The following SDK1 variants were observed in gnomAD, a reference collection of about 807,000 sequenced individuals.
SDK1 encodes the protein protein sidekick-1.
In SDK1, 157 loss-of-function variants were observed where a neutral mutation model predicts 245.5. The ratio of observed to expected loss-of-function variants is 0.64; its 90% CI spans 0.56 to 0.73. The LOEUF (loss-of-function observed/expected upper bound fraction) is 0.73. Ranked by LOEUF, SDK1 falls within the 30% of genes least tolerant of loss-of-function variation. SDK1 has a pLI of 0.00. For synonymous variants in SDK1, 1,647 were observed against 1,278.5 expected (o/e 1.29, Z -6.15); for missense variants, 3,583 against 3,002.3 (o/e 1.19, Z -4.52).
chr7:3,980,710 G>A (rs1227043677), intron 13 of SDK1, among the ~76,000 whole-genome samples: 4 of 152,188 alleles, frequency 2.6e-5, no homozygotes, highest in Non-Finnish European at 5.9e-5. Context: ...TTGGGAGGCC[G>A]AGGCAGGTAG....
At chr7:4,179,776 C>A (rs1308242318) in intron 35 of SDK1, among the ~76,000 whole-genome samples, 1 of 151,874 alleles carries the variant, frequency 6.6e-6, no homozygotes, top group African/African-American at 2.4e-5. Flanking sequence ...AGGGTGGGTG[C>A]CACTGCGGAC....
chr7:3,727,206 C>T (rs1437662586), intron 4 of SDK1, among the ~76,000 whole-genome samples: 1 of 152,218 alleles, frequency 6.6e-6, no homozygotes. Flanking sequence ...TGATTATGTA[C>T]ATGGCAGATA....
rs1783245371 is a variant in SDK1 at position 4,192,119 on chromosome 7, A to C, written c.5098+13533A>C. ...GAAGGAGACAGACAAGTGCAGGCGC[A>C]TCACACTCCTCACAGTTGGCCTTAG... On this transcript the variant is annotated intron_variant, in intron 35 of 44. Coordinates refer to ENST00000404826, the MANE Select transcript of SDK1 (RefSeq NM_152744.4). 2.6e-5 allele frequency among the ~76,000 whole-genome samples: 4 copies of C among 152,224 alleles called. No individual in the cohort carries two copies. The South Asian group carries it at 8.3e-4, about 32-fold the overall frequency.
At chr7:3,847,354 C>T (rs193242772) in intron 5 of SDK1, among the ~76,000 whole-genome samples, 1 of 152,334 alleles carries the variant, frequency 6.6e-6, no homozygotes, top group African/African-American at 2.4e-5. Context: ...TTCTTTCCTT[C>T]TTCCATTAAA....
chr7:3,609,475 A>C (rs1040867423), intron 1 of SDK1, among the ~76,000 whole-genome samples: 1 of 152,120 alleles, frequency 6.6e-6, no homozygotes, highest in Non-Finnish European at 1.5e-5. Context: ...ATCTCTGCTC[A>C]CTGCAATCTC....
intron 5 of SDK1, among the ~76,000 whole-genome samples, chr7:3,872,401 C>G (rs1250565838): frequency 6.6e-6 from 1 of 152,026 alleles, no homozygotes; most frequent in East Asian, 1.9e-4. Context: ...GACACTGAGT[C>G]TGGAGTTTTA....
At chr7:3,323,541 C>G (rs1779869873) in intron 1 of SDK1, among the ~76,000 whole-genome samples, 1 of 152,178 alleles carries the variant, frequency 6.6e-6, no homozygotes, top group African/African-American at 2.4e-5. Context: ...CTCCTGTTTT[C>G]TTGCTGGCAG....
intron 1 of SDK1, among the ~76,000 whole-genome samples, chr7:3,393,443 A>G (rs934158153): frequency 3.3e-5 from 5 of 152,150 alleles, no homozygotes; most frequent in Non-Finnish European, 5.9e-5. Context: ...TCTTGCCAAC[A>G]TGTTATTTTT....
intron 16 of SDK1, among the ~76,000 whole-genome samples, chr7:4,015,745 C>G (rs1208155360): frequency 2.0e-5 from 3 of 152,206 alleles, no homozygotes; most frequent in African/African-American, 7.2e-5. Context: ...CCCTGAGTCT[C>G]CCACCAGGCA....
At chr7:3,338,552 G>A in intron 1 of SDK1, 1 of 359,068 alleles carries the variant, frequency 2.8e-6, no homozygotes, top group Non-Finnish European at 5.3e-6. Flanking sequence ...AGAAGCAGTG[G>A]AGAGGAACCT....
chr7:3,757,678 C>T (rs1380321150), intron 4 of SDK1, among the ~76,000 whole-genome samples: 1 of 152,200 alleles, frequency 6.6e-6, no homozygotes, highest in Non-Finnish European at 1.5e-5. Context: ...GCCCCGTCCT[C>T]CCAGTACCTC....
intron 26 of SDK1, among the ~76,000 whole-genome samples, chr7:4,128,551 G>C (rs1399002047): frequency 6.6e-6 from 1 of 151,262 alleles, no homozygotes; most frequent in Non-Finnish European, 1.5e-5. Context: ...GAGCAGAGCA[G>C]CTTGGGGTGG....
chr7:4,226,620 C>T (rs1332271239), intron 40 of SDK1, among the ~76,000 whole-genome samples: 3 of 152,194 alleles, frequency 2.0e-5, no homozygotes, highest in Non-Finnish European at 4.4e-5. Flanking sequence ...AGTGTGAGCC[C>T]AAGGACACCG....
intron 1 of SDK1, among the ~76,000 whole-genome samples, chr7:3,452,247 C>G (rs1780536773): frequency 6.6e-6 from 1 of 152,134 alleles, no homozygotes; most frequent in Non-Finnish European, 1.5e-5. Context: ...TTCTCAAGGA[C>G]TCTAGGATGG....
chr7:3,301,467 C>T lies in SDK1; in HGVS notation c.-120C>T, dbSNP rs1402188574. On this transcript the variant is annotated 5_prime_UTR_variant, in exon 1 of 45. Transcript: ENST00000404826. ...GCCGCCCCTCAGCGCTGGGCGGCCG[C>T]TCACCTCGGGCCGGGGGGCGCCGCG... is the stretch of plus-strand genomic sequence containing the variant. 1 of 218,320 alleles carries T rather than the reference C, an allele frequency of 4.6e-6. No individual in the cohort carries two copies. The highest frequency in any genetic ancestry group is 1.9e-4 in the East Asian group (1 of 5,300). The allele number at this position is 218,320 out of a possible 1,614,324, so 13.5% of individuals were successfully genotyped here.
At chr7:3,560,058 C>T (rs1296766004) in intron 1 of SDK1, among the ~76,000 whole-genome samples, 1 of 152,200 alleles carries the variant, frequency 6.6e-6, no homozygotes, top group African/African-American at 2.4e-5. Context: ...GAGCACATTT[C>T]TTTGAAGCCT....
At chr7:3,808,028 G>A (rs540442801) in intron 4 of SDK1, among the ~76,000 whole-genome samples, 3 of 152,278 alleles carry the variant, frequency 2.0e-5, no homozygotes, top group South Asian at 4.2e-4. Context: ...TTGTCAAAGC[G>A]TCACCAGCTA....
chr7:4,072,711 C>A (rs1401266500), intron 20 of SDK1, among the ~76,000 whole-genome samples: 1 of 152,214 alleles, frequency 6.6e-6, no homozygotes, highest in Admixed American at 6.5e-5. Flanking sequence ...AAAGGCTGCA[C>A]CTGCTATTAA....
intron 7 of SDK1, among the ~76,000 whole-genome samples, chr7:3,957,840 G>A (rs1273973383): frequency 2.6e-5 from 4 of 152,166 alleles, no homozygotes; most frequent in African/African-American, 7.2e-5. Flanking sequence ...CTTAAGTAGA[G>A]GAATCTGCTT....
Sources: allele counts gnomAD v4.1 joint callset (sites outside exome capture counted in the v4.1 genomes callset), GRCh38; gene constraint gnomAD v4.1.1; transcripts MANE v1.5; gene names NCBI Gene and HGNC (gene_info 2026-07-23, HGNC 2026-07-21).